The following PCDH11X variants were observed in gnomAD, a reference collection of about 807,000 sequenced individuals.
PCDH11X encodes the protein protocadherin 11 X-linked.
A neutral mutation model predicts 53.3 loss-of-function variants in PCDH11X; 18 were observed. That is an observed-to-expected ratio of 0.34 (90% CI 0.23 to 0.50). The LOEUF (loss-of-function observed/expected upper bound fraction) is 0.50. Among genes scored for constraint, PCDH11X ranks in the 20% least tolerant of loss-of-function variants. The pLI, the probability that PCDH11X is intolerant of heterozygous loss-of-function variation, is 0.98. For missense variants in PCDH11X, 570 were observed against 1,032.4 expected, an observed-to-expected ratio of 0.55 and a Z score of 6.14; for synonymous variants, 279 against 393.3, an observed-to-expected ratio of 0.71 and a Z score of 3.44.
intron 8 of PCDH11X, among the ~76,000 whole-genome samples, chrX:92,369,663 C>T (rs1243293643): frequency 3.6e-5 from 4 of 111,478 alleles, no homozygotes; most frequent in Non-Finnish European, 5.7e-5. Context: ...GGGAATCTCC[C>T]GATCTGCAGA....
intron 4 of PCDH11X, among the ~76,000 whole-genome samples, chrX:91,816,529 CAT>C (rs2147571102): frequency 9.0e-6 from 1 of 111,234 alleles, no homozygotes; most frequent in South Asian, 3.7e-4. Context: ...CTTTATAAAA[CAT>C]ATATGATAAT....
At chrX:92,231,163 G>A (rs752340428) in intron 7 of PCDH11X, among the ~76,000 whole-genome samples, 4 of 111,262 alleles carry the variant, frequency 3.6e-5, no homozygotes, top group African/African-American at 1.3e-4. Context: ...AAACAGAAAC[G>A]GACTCTAAAT....
chrX:91,911,685 A>G (rs138251918), intron 6 of PCDH11X, among the ~76,000 whole-genome samples: 2,023 of 110,767 alleles, frequency 0.018, 19 homozygotes, highest in Middle Eastern at 0.042. Flanking sequence ...AATTGTTTTC[A>G]TTTTTAGCTC....
chrX:92,437,550 G>A (rs1325061114), intron 9 of PCDH11X, among the ~76,000 whole-genome samples: 1 of 109,718 alleles, frequency 9.1e-6, no homozygotes, highest in Non-Finnish European at 1.9e-5. Context: ...TTTAAACTTA[G>A]CATCTGCTCA....
chrX:92,184,923 T>A (rs1220487913), intron 6 of PCDH11X, among the ~76,000 whole-genome samples: 2 of 110,950 alleles, frequency 1.8e-5, no homozygotes, highest in South Asian at 3.7e-4. Flanking sequence ...TTGGTAATAA[T>A]ATAATATAAT....
In PCDH11X at chrX:92,621,601, G is replaced by T. The variant is rs1928504577; in HGVS notation, c.*2661G>T. Reference sequence around the variant, plus strand: ...CCTTCTCTTTCTAAGCGTCCACTAGGTCTGGCCTTGGAAACCTGTTACTTC... The same window carrying T: ...CCTTCTCTTTCTAAGCGTCCACTAGTTCTGGCCTTGGAAACCTGTTACTTC... On this transcript the variant is annotated 3_prime_UTR_variant, in exon 11 of 11. Coordinates refer to ENST00000682573, the MANE Select transcript of PCDH11X (RefSeq NM_032968.5). 9.0e-6 allele frequency: 1 copy of T among 110,763 alleles called. No individual in the cohort carries two copies. Among genetic ancestry groups the T allele is most frequent in the African/African-American group, 3.3e-5 (1 of 30,372 alleles). The allele number at this position is 110,763 out of a possible 1,213,427, so 9.1% of individuals were successfully genotyped here.
At chrX:92,276,280 G>A (rs1408147845) in intron 8 of PCDH11X, among the ~76,000 whole-genome samples, 2 of 107,133 alleles carry the variant, frequency 1.9e-5, no homozygotes, top group Non-Finnish European at 3.8e-5. Context: ...CCTGAAGCTC[G>A]GCATCCGTGA....
intron 10 of PCDH11X, among the ~76,000 whole-genome samples, chrX:92,592,897 C>T (rs963010757): frequency 5.4e-5 from 6 of 111,908 alleles, no homozygotes; most frequent in African/African-American, 2.0e-4. Context: ...AAACACTTCT[C>T]AGTTGATGGA....
intron 5 of PCDH11X, among the ~76,000 whole-genome samples, chrX:91,848,337 G>A (rs1937811014): frequency 9.1e-6 from 1 of 110,375 alleles, no homozygotes; most frequent in African/African-American, 3.3e-5. Context: ...GAGTAGCTGG[G>A]ACTACAGGCA....
At chrX:91,791,087 G>A (rs973247724) in intron 1 of PCDH11X, among the ~76,000 whole-genome samples, 67 of 105,570 alleles carry the variant, frequency 6.3e-4, no homozygotes, top group Non-Finnish European at 1.1e-3. Context: ...GGGCCAATTG[G>A]ATTAAAATGT....
intron 7 of PCDH11X, among the ~76,000 whole-genome samples, chrX:92,251,887 G>A (rs1171606848): frequency 9.0e-6 from 1 of 110,726 alleles, no homozygotes; most frequent in Non-Finnish European, 1.9e-5. Flanking sequence ...TGAATCTTCT[G>A]ATTTTGAATG....
At chrX:91,959,008 C>T (rs984969556) in intron 6 of PCDH11X, among the ~76,000 whole-genome samples, 2 of 106,161 alleles carry the variant, frequency 1.9e-5, no homozygotes, top group East Asian at 2.9e-4. Flanking sequence ...ACAGATAACA[C>T]ATTTTTCCTA....
At chrX:91,915,690 A>G (rs1335620368) in intron 6 of PCDH11X, among the ~76,000 whole-genome samples, 176 of 111,545 alleles carry the variant, frequency 1.6e-3, no homozygotes, top group Non-Finnish European at 3.1e-3. Context: ...TTATAAAACA[A>G]TTACTACTAG....
At chrX:92,412,948 C>T (rs1193664636) in intron 9 of PCDH11X, among the ~76,000 whole-genome samples, 1 of 106,376 alleles carries the variant, frequency 9.4e-6, no homozygotes, top group Non-Finnish European at 1.9e-5. Flanking sequence ...TAAGAAATTG[C>T]TTTGTCTTTT....
intron 1 of PCDH11X, among the ~76,000 whole-genome samples, chrX:91,791,302 A>G (rs11798670): frequency 3.5e-4 from 39 of 110,243 alleles, no homozygotes; most frequent in Non-Finnish European, 6.2e-4. Context: ...GGTTTAACTG[A>G]CTCACAGTTC....
chrX:92,087,229 G>A (rs1350333559), intron 6 of PCDH11X, among the ~76,000 whole-genome samples: 1 of 109,323 alleles, frequency 9.1e-6, no homozygotes, highest in Non-Finnish European at 1.9e-5. Context: ...TGAGTAGCTG[G>A]GATTACAGGC....
At chrX:92,609,356 T>C (rs1359550083) in intron 10 of PCDH11X, among the ~76,000 whole-genome samples, 1 of 111,741 alleles carries the variant, frequency 8.9e-6, no homozygotes, top group Non-Finnish European at 1.9e-5. Context: ...CCCTGTGCCA[T>C]TCTGTGTCAG....
intron 9 of PCDH11X, among the ~76,000 whole-genome samples, chrX:92,397,531 G>A (rs1363775607): frequency 1.8e-5 from 2 of 108,276 alleles, no homozygotes; most frequent in African/African-American, 6.8e-5. Context: ...GCAGTGGCGT[G>A]ATCTCAGCTC....
chrX:92,151,039 A>G (rs1196849340), intron 6 of PCDH11X, among the ~76,000 whole-genome samples: 1 of 110,904 alleles, frequency 9.0e-6, no homozygotes, highest in Admixed American at 9.6e-5. Flanking sequence ...GACAAGAACC[A>G]GTATCCATGC....
Sources: allele counts gnomAD v4.1 joint callset (sites outside exome capture counted in the v4.1 genomes callset), GRCh38; gene constraint gnomAD v4.1.1; transcripts MANE v1.5; gene names NCBI Gene and HGNC (gene_info 2026-07-23, HGNC 2026-07-21).